PDZRN3: variants seen among roughly 807,000 people sequenced by gnomAD.
PDZRN3 encodes the protein E3 ubiquitin-protein ligase PDZRN3.
Under a neutral mutation model 85.7 loss-of-function variants are expected in PDZRN3, and 38 were observed. The ratio of observed to expected loss-of-function variants is 0.44; its 90% confidence interval spans 0.34 to 0.58. PDZRN3 has a LOEUF of 0.58. Among genes scored for constraint, PDZRN3 ranks in the 20% least tolerant of loss-of-function variants. PDZRN3 has a pLI of 0.01. For synonymous variants in PDZRN3, 759 were observed against 638.0 expected (o/e 1.19, Z -2.86); for missense variants, 1,629 against 1,506.4 (o/e 1.08, Z -1.35).
At chr3:73,389,489 G>A (rs192806651) in intron 7 of PDZRN3, among the ~76,000 whole-genome samples, 1 of 152,292 alleles carries the variant, frequency 6.6e-6, no homozygotes, top group East Asian at 1.9e-4. Flanking sequence ...GTTGTAAACT[G>A]TTGGCCTGAC....
intron 3 of PDZRN3, among the ~76,000 whole-genome samples, chr3:73,593,472 G>T (rs1412138802): frequency 6.6e-6 from 1 of 152,086 alleles, no homozygotes; most frequent in African/African-American, 2.4e-5. Context: ...ACAGAGGATG[G>T]GAGAGACACT....
intron 3 of PDZRN3, among the ~76,000 whole-genome samples, chr3:73,491,615 G>C (rs1445665623): frequency 5.7e-5 from 1 of 17,656 alleles, no homozygotes; most frequent in Non-Finnish European, 1.9e-4. Context: ...TAAGAAGCAG[G>C]GTCTTCAGGG....
At chr3:73,424,391 A>AAG (rs1459951902) in intron 3 of PDZRN3, among the ~76,000 whole-genome samples, 2 of 145,448 alleles carry the variant, frequency 1.4e-5, no homozygotes, top group East Asian at 3.9e-4. Flanking sequence ...AAAAAAAAAA[A>AAG]ATAGCTGAGT....
At position 73,383,507 on chromosome 3, in the gene PDZRN3, A is replaced by T; in HGVS notation, c.3059T>A (p.Leu1020Gln). The change falls in exon 10 of 10, where the codon CTG (leucine) becomes CAG (glutamine). Residue 1020 changes from leucine (L) to glutamine (Q), a missense_variant. Leu to Gln is a moderately radical substitution (Grantham distance 113). Coordinates refer to ENST00000263666, the MANE Select transcript of PDZRN3 (RefSeq NM_015009.3). ...DDRKEMNILE[L>Q]SHKKMMKKRN... ...CTTCTTCATCATCTTTTTGTGGCTC[A>T]GTTCGAGAATGTTCATCTCCTTCCT... 6.2e-7 allele frequency: 1 copy of T among 1,614,162 alleles called. No homozygotes were observed. Among genetic ancestry groups the T allele is most frequent in the Non-Finnish European group, 8.5e-7 (1 of 1,180,024 alleles).
At chr3:73,484,339 T>G (rs900999522) in intron 3 of PDZRN3, among the ~76,000 whole-genome samples, 1 of 152,102 alleles carries the variant, frequency 6.6e-6, no homozygotes, top group African/African-American at 2.4e-5. Flanking sequence ...GCATGGGTGA[T>G]TTGGGAGTTG....
At chr3:73,593,709 TACACACACACACACACACACACAC>T (rs57922621) in intron 3 of PDZRN3, among the ~76,000 whole-genome samples, 8 of 141,838 alleles carry the variant, frequency 5.6e-5, no homozygotes, top group Admixed American at 5.0e-4. Flanking sequence ...GAAATAAATA[TACACACACACACACACACACACAC>T]ACACACACAC....
chr3:73,521,621 C>T (rs1044140046), intron 3 of PDZRN3, among the ~76,000 whole-genome samples: 5 of 152,136 alleles, frequency 3.3e-5, no homozygotes, highest in African/African-American at 9.7e-5. Context: ...CTGCTGAAGT[C>T]GATGGCTGCT....
intron 3 of PDZRN3, among the ~76,000 whole-genome samples, chr3:73,583,895 T>C (rs568125625): frequency 6.6e-6 from 1 of 152,298 alleles, no homozygotes; most frequent in African/African-American, 2.4e-5. Flanking sequence ...TCCAGAGACA[T>C]TCAGCAAGGT....
At chr3:73,566,793 A>T (rs1701957388) in intron 3 of PDZRN3, among the ~76,000 whole-genome samples, 1 of 152,190 alleles carries the variant, frequency 6.6e-6, no homozygotes, top group Admixed American at 6.5e-5. Context: ...TATAAAGACA[A>T]GAAAACGGTG....
At chr3:73,600,337 A>ACACTCTCTCTCTCTCTCTCTCTCT (rs34405662) in intron 3 of PDZRN3, among the ~76,000 whole-genome samples, 4 of 100,072 alleles carry the variant, frequency 4.0e-5, no homozygotes, top group African/African-American at 1.7e-4. Context: ...ACACACACAC[A>ACACTCTCTCTCTCTCTCTCTCTCT]CTCTCTCTCT....
At chr3:73,510,024 C>G (rs1467631813) in intron 3 of PDZRN3, among the ~76,000 whole-genome samples, 1 of 152,204 alleles carries the variant, frequency 6.6e-6, no homozygotes, top group African/African-American at 2.4e-5. Context: ...ATTCATCTGT[C>G]GTACACTGGA....
At position 73,463,893 on chromosome 3, in the gene PDZRN3, A is replaced by C. The variant is rs140956032; in HGVS notation, c.919-59498T>G. Among the ~76,000 whole-genome samples, 951 of 152,306 alleles carry C rather than the reference A, an allele frequency of 6.2e-3. 7 individuals carry two copies. Among genetic ancestry groups the C allele is most frequent in the African/African-American group, 0.022 (910 of 41,564 alleles). The stretch of plus-strand genomic sequence containing the variant: ...ATAATCTGTACAACCCCCATGACAC[A>C]TGTTTACCTATGTAACAAACCTGCA... On this transcript the variant is annotated intron_variant, in intron 3 of 9. Coordinates refer to ENST00000263666, the MANE Select transcript of PDZRN3 (RefSeq NM_015009.3).
Position 73,384,770 on chromosome 3 carries a change from G to A in PDZRN3, c.1796C>T (p.Pro599Leu), listed in dbSNP as rs909526445. Residue 599 changes from proline to leucine, a missense_variant, in exon 10 of 10, where the codon CCG becomes CTG. Transcript: ENST00000263666. Reference protein sequence around the residue: ...NGDDATASSNPLAGQRKLTCS... With the variant: ...NGDDATASSNLLAGQRKLTCS... ...GGTGAGCTTCCTCTGCCCCGCCAGC[G>A]GGTTGGAGGATGCGGTGGCGTCGTC... 3.7e-6 allele frequency: 6 copies of A among 1,613,930 alleles called. No homozygotes were observed. Among genetic ancestry groups the A allele is most frequent in the African/African-American group, 1.3e-5 (1 of 75,068 alleles).
intron 6 of PDZRN3, 22 bp downstream of exon 6, chr3:73,390,992 TAGAA>T: frequency 2.0e-6 from 3 of 1,512,292 alleles, no homozygotes; most frequent in Non-Finnish European, 2.7e-6. Context: ...ATACGATAGT[TAGAA>T]AAACAAAATC....
In PDZRN3 at chr3:73,491,207, T is replaced by A. The variant is rs1434521248; in HGVS notation, c.919-86812A>T. Among the ~76,000 whole-genome samples, 4 of 152,302 alleles carry A rather than the reference T, an allele frequency of 2.6e-5. No homozygotes were observed. The East Asian group carries it at 7.7e-4, about 29-fold the overall frequency. On this transcript the variant is annotated intron_variant, in intron 3 of 9. Transcript: ENST00000263666. ...TCGGTGAAGTTCTCTCTGGGGTGCT[T>A]AGGAAGAATTCTTGCAGCCCATGTC... is the stretch of plus-strand genomic sequence containing the variant.
Position 73,624,456 on chromosome 3 carries a change from G to A in PDZRN3, c.370C>T (p.Arg124Cys). The change falls in exon 1 of 10, where the codon CGC becomes TGC. Residue 124 changes from arginine (R) to cysteine (C), a missense_variant. Arg to Cys is a radical substitution (Grantham distance 180). Coordinates refer to ENST00000263666, the MANE Select transcript of PDZRN3 (RefSeq NM_015009.3). ...TCGCGCATGTGCGCCTCCACGTCGC[G>A]CCGCAGCAGCACCTGGCCGCAACCC... Reference protein sequence around the residue: ...HAGCGQVLLRRDVEAHMRDAC... With the variant: ...HAGCGQVLLRCDVEAHMRDAC... The A allele has an allele frequency of 1.5e-6, 2 of 1,351,576 alleles. No homozygotes were observed. The highest frequency in any genetic ancestry group is 9.4e-7 in the Non-Finnish European group (1 of 1,059,314). The allele number at this position is 1,351,576 out of a possible 1,614,324, so 83.7% of individuals were successfully genotyped here.
chr3:73,548,914 G>T (rs183024472), intron 3 of PDZRN3, among the ~76,000 whole-genome samples: 1 of 152,116 alleles, frequency 6.6e-6, no homozygotes, highest in East Asian at 1.9e-4. Context: ...TGATGAGAAA[G>T]AACTTTAAAA....
At chr3:73,427,705 A>G (rs1449985789) in intron 3 of PDZRN3, among the ~76,000 whole-genome samples, 2 of 152,140 alleles carry the variant, frequency 1.3e-5, no homozygotes, top group African/African-American at 4.8e-5. Context: ...ACCCTTCCCA[A>G]ACCAAAGTGG....
chr3:73,499,918 C>A (rs1223687052), intron 3 of PDZRN3, among the ~76,000 whole-genome samples: 1 of 152,170 alleles, frequency 6.6e-6, no homozygotes, highest in Non-Finnish European at 1.5e-5. Flanking sequence ...TAGACCACAG[C>A]TGGCCACACA....
Sources: gnomAD v4.1 joint callset for allele counts (sites outside exome capture counted in the v4.1 genomes callset) on GRCh38, gnomAD v4.1.1 for gene constraint, MANE v1.5 for transcripts, NCBI Gene and HGNC (gene_info 2026-07-23, HGNC 2026-07-21) for gene names.